The following SYN3 variants were observed in gnomAD, a reference collection of about 807,000 sequenced individuals.
The protein encoded by SYN3 is synapsin-3.
In SYN3, 35 loss-of-function variants were observed where a neutral mutation model predicts 65.8. That is an observed-to-expected ratio of 0.53 (90% CI 0.41 to 0.70). SYN3 has a LOEUF of 0.70. Among genes scored for constraint, SYN3 ranks in the 30% least tolerant of loss-of-function variants. The pLI is 0.00. For synonymous variants in SYN3, 270 were observed against 292.9 expected (o/e 0.92, Z 0.80); for missense variants, 680 against 749.0 (o/e 0.91, Z 1.08).
chr22:32,982,133 C>T (rs2145660346), intron 2 of SYN3, among the ~76,000 whole-genome samples: 1 of 152,236 alleles, frequency 6.6e-6, no homozygotes, highest in South Asian at 2.1e-4. Flanking sequence ...TTTAGTGACG[C>T]CCATTATCCA....
intron 7 of SYN3, among the ~76,000 whole-genome samples, chr22:32,585,840 C>A (rs554794836): frequency 1.3e-5 from 2 of 151,288 alleles, no homozygotes; most frequent in Admixed American, 1.3e-4. Flanking sequence ...ACAAGATGGG[C>A]ATGTGTGTCT....
At chr22:32,911,080 C>T (rs953998900) in intron 4 of SYN3, among the ~76,000 whole-genome samples, 7 of 152,104 alleles carry the variant, frequency 4.6e-5, no homozygotes, top group African/African-American at 1.4e-4. Flanking sequence ...GCAATTTGCA[C>T]GAGGAGTTCC....
chr22:33,003,108 T>C (rs1259630094), intron 2 of SYN3, among the ~76,000 whole-genome samples: 2 of 152,232 alleles, frequency 1.3e-5, no homozygotes, highest in African/African-American at 4.8e-5. Context: ...TCCCCAGCCA[T>C]GTGGAACTGT....
chr22:32,669,253 T>C (rs908320157), intron 6 of SYN3, among the ~76,000 whole-genome samples: 1 of 152,182 alleles, frequency 6.6e-6, no homozygotes, highest in Non-Finnish European at 1.5e-5. Flanking sequence ...TATTTTTCTC[T>C]AATAAAATAG....
intron 4 of SYN3, among the ~76,000 whole-genome samples, chr22:32,926,818 C>T (rs2050486356): frequency 6.6e-6 from 1 of 152,176 alleles, no homozygotes; most frequent in African/African-American, 2.4e-5. Context: ...GTGGGGTTTG[C>T]AGTTCTCACA....
At chr22:32,606,523 C>T (rs760328608) in intron 6 of SYN3, among the ~76,000 whole-genome samples, 4 of 152,148 alleles carry the variant, frequency 2.6e-5, no homozygotes, top group Non-Finnish European at 5.9e-5. Flanking sequence ...CTACCAAATG[C>T]CATTTAGAGG....
At chr22:32,653,355 T>C (rs1015685805) in intron 6 of SYN3, among the ~76,000 whole-genome samples, 1 of 152,112 alleles carries the variant, frequency 6.6e-6, no homozygotes, top group Non-Finnish European at 1.5e-5. Context: ...AAAATATCCC[T>C]ATCAGTTATT....
intron 6 of SYN3, among the ~76,000 whole-genome samples, chr22:32,665,006 T>C (rs1427353755): frequency 7.8e-6 from 1 of 128,688 alleles, no homozygotes; most frequent in African/African-American, 3.0e-5. Flanking sequence ...TTTTTTTTTT[T>C]TTTTTTTTTT....
chr22:32,964,549 G>C (rs769412596), intron 3 of SYN3, among the ~76,000 whole-genome samples: 2 of 152,118 alleles, frequency 1.3e-5, no homozygotes, highest in South Asian at 2.1e-4. Context: ...CTGGGCAACA[G>C]GTGAGTCAGG....
intron 3 of SYN3, among the ~76,000 whole-genome samples, chr22:32,961,569 C>T (rs1160179428): frequency 6.6e-6 from 1 of 152,348 alleles, no homozygotes; most frequent in South Asian, 2.1e-4. Context: ...ATTTACCATC[C>T]TGTTTAAGTA....
At chr22:32,758,705 T>TATATATATATATATA (rs1277216646) in intron 6 of SYN3, among the ~76,000 whole-genome samples, 186 of 109,558 alleles carry the variant, frequency 1.7e-3, no homozygotes, top group Middle Eastern at 4.6e-3. Context: ...TATATATGTC[T>TATATATATATATATA]TATTAGTTCT....
intron 7 of SYN3, 115 bp downstream of exon 7, chr22:32,596,559 C>T: frequency 9.7e-7 from 1 of 1,035,848 alleles, no homozygotes; most frequent in Non-Finnish European, 1.4e-6. Flanking sequence ...CTTTCTAACA[C>T]TCTGTTCTGG....
At chr22:32,572,594 T>C (rs1377986847) in intron 7 of SYN3, among the ~76,000 whole-genome samples, 3 of 150,226 alleles carry the variant, frequency 2.0e-5, no homozygotes, top group Non-Finnish European at 4.4e-5. Flanking sequence ...TCTCTTTTTT[T>C]CCTTCTGACA....
intron 7 of SYN3, among the ~76,000 whole-genome samples, chr22:32,586,086 A>G (rs921796215): frequency 2.1e-5 from 2 of 96,522 alleles, no homozygotes; most frequent in African/African-American, 5.9e-5. Context: ...GTATACATGT[A>G]TATATGTATA....
At position 32,918,499 on chromosome 22, in the gene SYN3, A is replaced by G. The variant is rs1041251742; in HGVS notation, c.461+12891T>C. 3.9e-5 allele frequency among the ~76,000 whole-genome samples: 6 copies of G among 152,354 alleles called. No individual in the cohort carries two copies. The East Asian group carries it at 9.6e-4, about 24-fold the overall frequency. ...GAAAAGAAACAACAAAATAAATTAT[A>G]CAATAGCATATCTTATATCTCTATA... is the stretch of plus-strand genomic sequence containing the variant. On this transcript the variant is annotated intron_variant, in intron 4 of 13. Coordinates refer to ENST00000358763, the MANE Select transcript of SYN3 (RefSeq NM_003490.4).
chr22:32,930,146 G>A (rs558432142), intron 4 of SYN3, among the ~76,000 whole-genome samples: 63 of 152,242 alleles, frequency 4.1e-4, no homozygotes, highest in South Asian at 8.3e-4. Flanking sequence ...GATATGGTTT[G>A]GCTGTGTCCC....
intron 4 of SYN3, among the ~76,000 whole-genome samples, chr22:32,889,643 T>C (rs1469236992): frequency 6.6e-6 from 1 of 152,156 alleles, no homozygotes; most frequent in Non-Finnish European, 1.5e-5. Context: ...AATAGAATTA[T>C]ACATATATGC....
At chr22:32,589,817 T>TTGGTTCA (rs937790154) in intron 7 of SYN3, among the ~76,000 whole-genome samples, 4 of 152,174 alleles carry the variant, frequency 2.6e-5, no homozygotes, top group Admixed American at 2.6e-4. Context: ...CATCCACTAC[T>TTGGTTCA]TGGTTCATTC....
At chr22:32,655,946 A>G (rs1455259538) in intron 6 of SYN3, among the ~76,000 whole-genome samples, 1 of 152,162 alleles carries the variant, frequency 6.6e-6, no homozygotes, top group African/African-American at 2.4e-5. Context: ...ACAAAACCCC[A>G]GCTTCACCAC....
Sources: allele counts gnomAD v4.1 joint callset (sites outside exome capture counted in the v4.1 genomes callset), GRCh38; gene constraint gnomAD v4.1.1; transcripts MANE v1.5; gene names NCBI Gene and HGNC (gene_info 2026-07-23, HGNC 2026-07-21).